The following KMO variants were observed in gnomAD, a reference collection of about 807,000 sequenced individuals.
The protein encoded by KMO is kynurenine 3-hydroxylase.
KMO carries 24 observed loss-of-function variants against 57.8 expected under a neutral mutation model. That is an observed-to-expected ratio of 0.42 (90% CI 0.30 to 0.58). The LOEUF (loss-of-function observed/expected upper bound fraction) is 0.58, where lower values mean the gene tolerates loss of function less well. Among genes scored for constraint, KMO ranks in the 20% least tolerant of loss-of-function variants. KMO has a pLI of 0.22. For missense variants in KMO, 483 were observed against 588.2 expected (o/e 0.82, Z 1.85); for synonymous variants, 210 against 193.6 (o/e 1.08, Z -0.70).
At chr1:241,589,583 C>T (rs535600239) in intron 12 of KMO, among the ~76,000 whole-genome samples, 8 of 152,216 alleles carry the variant, frequency 5.3e-5, no homozygotes, top group South Asian at 4.1e-4. Flanking sequence ...GGGATGGCTA[C>T]GACACAGTAT....
intron 10 of KMO, among the ~76,000 whole-genome samples, chr1:241,585,081 T>C (rs1251482072): frequency 6.6e-6 from 1 of 151,628 alleles, no homozygotes; most frequent in East Asian, 1.9e-4. Context: ...CAAAAAAAAT[T>C]AGCTAGGTGT....
At chr1:241,584,789 C>T (rs183805662) in intron 10 of KMO, among the ~76,000 whole-genome samples, 214 of 152,228 alleles carry the variant, frequency 1.4e-3, no homozygotes, top group Non-Finnish European at 2.2e-3. Flanking sequence ...TTTATAAAAA[C>T]ATAAGACATT....
At chr1:241,549,205 G>GAAA (rs1366250081) in intron 2 of KMO, among the ~76,000 whole-genome samples, 3 of 2,828 alleles carry the variant, frequency 1.1e-3, no homozygotes, top group Non-Finnish European at 2.6e-3. Context: ...AGAAAAGGAA[G>GAAA]AAAGAAAGAA....
intron 1 of KMO, among the ~76,000 whole-genome samples, chr1:241,540,856 G>A (rs6670584): frequency 0.24 from 36,102 of 151,882 alleles, 5,029 homozygotes; most frequent in East Asian, 0.54. Context: ...ATGAACCCAG[G>A]GGTTTGAGAC....
rs1662832598 is a variant in KMO, at chr1:241,583,406, G to C, written c.958-3273G>C. 2.0e-5 allele frequency among the ~76,000 whole-genome samples: 3 copies of C among 152,230 alleles called. No individual in the cohort carries two copies. The South Asian group carries it at 6.2e-4, about 32-fold the overall frequency. On this transcript the variant is annotated intron_variant, in intron 10 of 14. Transcript: ENST00000366559. ...GCAGAAAATTCCCTTCTGCCCCAGG[G>C]TGGGTATAGAAATGCCATCCAGGAG...
intron 10 of KMO, among the ~76,000 whole-genome samples, chr1:241,582,101 G>T (rs1056541080): frequency 6.6e-6 from 1 of 152,002 alleles, no homozygotes; most frequent in Non-Finnish European, 1.5e-5. Flanking sequence ...ATTCTCTTTT[G>T]TCCTAAAGGT....
intron 10 of KMO, among the ~76,000 whole-genome samples, chr1:241,581,963 G>A (rs1662769407): frequency 6.6e-6 from 1 of 151,986 alleles, no homozygotes; most frequent in African/African-American, 2.4e-5. Context: ...ATCTGGTGTT[G>A]ATGAAATCTC....
intron 3 of KMO, among the ~76,000 whole-genome samples, chr1:241,550,265 TGATTATGGGGCGG>T (rs1661347826): frequency 6.6e-6 from 1 of 152,184 alleles, no homozygotes; most frequent in African/African-American, 2.4e-5. Flanking sequence ...ATTTTGTGTT[TGATTATGGGGCGG>T]GTTTATGTGA....
intron 10 of KMO, among the ~76,000 whole-genome samples, chr1:241,579,885 G>C (rs377747944): frequency 6.6e-6 from 1 of 152,124 alleles, no homozygotes; most frequent in African/African-American, 2.4e-5. Flanking sequence ...AGACTTCCAT[G>C]AGGTTCCCAG....
intron 10 of KMO, among the ~76,000 whole-genome samples, chr1:241,578,084 G>T (rs1172022654): frequency 2.0e-5 from 3 of 152,140 alleles, no homozygotes; most frequent in Non-Finnish European, 4.4e-5. Context: ...CCTGAGGGGT[G>T]CTCCCTCATG....
At position 241,594,577 on chromosome 1, in the gene KMO, G is replaced by A. The variant is rs1663439726; in HGVS notation, c.*2424G>A. 6.2e-7 allele frequency: 1 copy of A among 1,614,132 alleles called. No homozygotes were observed. The highest frequency in any genetic ancestry group is 1.3e-5 in the African/African-American group (1 of 75,042). On this transcript the variant is annotated 3_prime_UTR_variant, in exon 15 of 15. Coordinates refer to ENST00000366559, the MANE Select transcript of KMO (RefSeq NM_003679.5). ...TTCTTTGGCCTGTCCCCATCTTTCTGTGACATCACAATGGGTCTGATCTGC... is the reference window on the plus strand; with the variant it reads ...TTCTTTGGCCTGTCCCCATCTTTCTATGACATCACAATGGGTCTGATCTGC...
chr1:241,537,229 G>T (rs1005603284), intron 1 of KMO, among the ~76,000 whole-genome samples: 1 of 151,872 alleles, frequency 6.6e-6, no homozygotes, highest in Non-Finnish European at 1.5e-5. Context: ...ACACTTTCTC[G>T]CTCACAGATC....
intron 10 of KMO, among the ~76,000 whole-genome samples, chr1:241,580,039 C>T (rs192939023): frequency 3.3e-5 from 5 of 152,298 alleles, no homozygotes; most frequent in Admixed American, 1.3e-4. Flanking sequence ...AACGCCTTCC[C>T]CCATGGACTG....
At chr1:241,583,448 G>A (rs947180421) in intron 10 of KMO, among the ~76,000 whole-genome samples, 1 of 152,174 alleles carries the variant, frequency 6.6e-6, no homozygotes, top group Non-Finnish European at 1.5e-5. Context: ...CCTGGAATCA[G>A]GGGCTTCAGG....
intron 5 of KMO, among the ~76,000 whole-genome samples, chr1:241,558,712 C>G (rs545461302): frequency 4.6e-5 from 7 of 150,914 alleles, no homozygotes; most frequent in Admixed American, 4.0e-4. Context: ...CAGAGCAGCA[C>G]AGTCCAACAT....
intron 1 of KMO, among the ~76,000 whole-genome samples, chr1:241,545,380 G>T (rs1661106836): frequency 6.6e-6 from 1 of 152,134 alleles, no homozygotes; most frequent in Admixed American, 6.5e-5. Context: ...GAAATGTCTT[G>T]TCTCACAGTT....
At chr1:241,569,052 T>C (rs1484525261) in intron 10 of KMO, among the ~76,000 whole-genome samples, 1 of 152,114 alleles carries the variant, frequency 6.6e-6, no homozygotes, top group Non-Finnish European at 1.5e-5. Flanking sequence ...TATATACTAG[T>C]TTTATATATT....
chr1:241,570,339 A>C (rs1407497520), intron 10 of KMO, among the ~76,000 whole-genome samples: 1 of 152,052 alleles, frequency 6.6e-6, no homozygotes, highest in East Asian at 1.9e-4. Flanking sequence ...GGTCTTACTT[A>C]GAAAATTTTT....
Position 241,566,606 on chromosome 1 carries a change from T to A in KMO, c.803T>A (p.Ile268Asn). The change falls in exon 9 of 15, where the codon ATT becomes AAT. Residue 268 changes from isoleucine (I) to asparagine (N), a missense_variant. By Grantham distance (149) the Ile-to-Asn change is moderately radical (BLOSUM62 -3). Coordinates refer to ENST00000366559, the MANE Select transcript of KMO (RefSeq NM_003679.5). ...QKYFPDAIPL[I>N]GEKLLVQDFF... Reference sequence around the variant, plus strand: ...TACTTTCCGGATGCCATCCCTCTAATTGGAGAGTAAGTTGCAAGATGTGCC... The same window carrying A: ...TACTTTCCGGATGCCATCCCTCTAAATGGAGAGTAAGTTGCAAGATGTGCC... The A allele has an allele frequency of 6.2e-7, 1 of 1,613,824 alleles. No individual in the cohort carries two copies. The highest frequency in any genetic ancestry group is 8.5e-7 in the Non-Finnish European group (1 of 1,179,790).
Sources: gnomAD v4.1 joint callset for allele counts (sites outside exome capture counted in the v4.1 genomes callset) on GRCh38, gnomAD v4.1.1 for gene constraint, MANE v1.5 for transcripts, NCBI Gene and HGNC (gene_info 2026-07-23, HGNC 2026-07-21) for gene names.